Variants in CDH4 observed in about 807,000 individuals in gnomAD.
CDH4 encodes cadherin 4, also known as cadherin-4.
A neutral mutation model predicts 86.0 loss-of-function variants in CDH4; 33 were observed. That is an observed-to-expected ratio of 0.38 (90% CI 0.29 to 0.51). CDH4 has a LOEUF of 0.51. Among genes scored for constraint, CDH4 ranks in the 20% least tolerant of loss-of-function variants. The pLI, the probability that CDH4 is intolerant of heterozygous loss-of-function variation, is 0.86. For synonymous variants in CDH4, 555 were observed against 549.4 expected, an observed-to-expected ratio of 1.01 and a Z score of -0.14; for missense variants, 1,114 against 1,307.4, an observed-to-expected ratio of 0.85 and a Z score of 2.28.
At chr20:61,476,823 GAC>G (rs1393287404) in intron 2 of CDH4, among the ~76,000 whole-genome samples, 1 of 152,238 alleles carries the variant, frequency 6.6e-6, no homozygotes, top group Non-Finnish European at 1.5e-5. Flanking sequence ...CAGGAATACT[GAC>G]ACAGGCTGCT....
intron 4 of CDH4, among the ~76,000 whole-genome samples, chr20:61,843,553 G>A (rs1478078107): frequency 6.6e-6 from 1 of 151,522 alleles, no homozygotes; most frequent in Admixed American, 6.6e-5. Flanking sequence ...AATTAGCCAG[G>A]CGTGGTTGCC....
chr20:61,324,844 G>T (rs921504591), intron 2 of CDH4, among the ~76,000 whole-genome samples: 5 of 152,196 alleles, frequency 3.3e-5, no homozygotes, highest in African/African-American at 9.6e-5. Flanking sequence ...TTTATAGAGG[G>T]TGTGGCAGGC....
At chr20:61,693,892 T>C (rs1424429524) in intron 2 of CDH4, among the ~76,000 whole-genome samples, 2 of 140,006 alleles carry the variant, frequency 1.4e-5, no homozygotes, top group Non-Finnish European at 3.1e-5. Context: ...TTCTTTTTTT[T>C]TTTTTTTTTT....
chr20:61,507,701 G>C (rs2085751040), intron 2 of CDH4, among the ~76,000 whole-genome samples: 1 of 152,204 alleles, frequency 6.6e-6, no homozygotes, highest in Non-Finnish European at 1.5e-5. Flanking sequence ...AAGGACACAT[G>C]ATGACTCCAT....
chr20:61,857,045 G>T (rs1435020657), intron 6 of CDH4, among the ~76,000 whole-genome samples: 4 of 152,254 alleles, frequency 2.6e-5, no homozygotes, highest in African/African-American at 9.6e-5. Flanking sequence ...GACAGCCCTG[G>T]GGGTGAGGGG....
intron 2 of CDH4, among the ~76,000 whole-genome samples, chr20:61,404,088 G>A (rs1485496180): frequency 6.6e-6 from 1 of 152,166 alleles, no homozygotes; most frequent in Admixed American, 6.5e-5. Flanking sequence ...CCCAGGAGCT[G>A]GGCACTGGGC....
chr20:61,671,334 T>A (rs6089259), intron 2 of CDH4, among the ~76,000 whole-genome samples: 142,908 of 152,246 alleles, frequency 0.94, 67,099 homozygotes, highest in Middle Eastern at 0.99. Flanking sequence ...TCTACAAAAA[T>A]TAATTTTAAA....
intron 2 of CDH4, among the ~76,000 whole-genome samples, chr20:61,412,927 C>T (rs913164170): frequency 3.3e-5 from 5 of 152,170 alleles, no homozygotes; most frequent in African/African-American, 1.2e-4. Context: ...CCCTGAGGGG[C>T]TGTTTCCAGA....
chr20:61,865,102 C>T (rs1983488429), intron 6 of CDH4, among the ~76,000 whole-genome samples: 2 of 152,260 alleles, frequency 1.3e-5, no homozygotes, highest in South Asian at 4.1e-4. Context: ...CCTGTGCTCC[C>T]ACCCCTGCCC....
intron 2 of CDH4, among the ~76,000 whole-genome samples, chr20:61,506,862 A>C (rs76361627): frequency 0.031 from 4,672 of 152,268 alleles, 118 homozygotes; most frequent in Non-Finnish European, 0.047. Flanking sequence ...TTGCGAAAGG[A>C]ACCATGGACA....
intron 10 of CDH4, 41 bp downstream of exon 10, chr20:61,923,745 C>T (rs1324350429): frequency 6.2e-7 from 1 of 1,601,852 alleles, no homozygotes; most frequent in South Asian, 1.1e-5. Context: ...CTGCAGCTTC[C>T]CAGGTTCCAT....
chr20:61,554,768 T>C (rs1298192577), intron 2 of CDH4, among the ~76,000 whole-genome samples: 1 of 152,378 alleles, frequency 6.6e-6, no homozygotes, highest in East Asian at 1.9e-4. Flanking sequence ...TATGTGCATA[T>C]GTGCATGGTG....
At position 61,754,422 on chromosome 20, in the gene CDH4, C is replaced by T. The variant is rs1422322548; in HGVS notation, c.396+10633C>T. On this transcript the variant is annotated intron_variant, in intron 3 of 15. Transcript: ENST00000614565. The surrounding 1 kb of genome is among the most constrained non-coding windows in gnomAD (Gnocchi z 4.7). ...CAGGGCTGTTGAGGACAAGTCCCCG[C>T]CCACGGCAGCCCCCAGGTCCCTCTG... 1.3e-5 allele frequency among the ~76,000 whole-genome samples: 2 copies of T among 152,080 alleles called. No individual in the cohort carries two copies. Among genetic ancestry groups the T allele is most frequent in the African/African-American group, 2.4e-5 (1 of 41,396 alleles).
At chr20:61,276,500 C>T (rs549081783) in intron 2 of CDH4, among the ~76,000 whole-genome samples, 18 of 152,262 alleles carry the variant, frequency 1.2e-4, no homozygotes, top group African/African-American at 4.1e-4. Context: ...ATTAGGAGGC[C>T]GCACTTGAGC....
At chr20:61,307,604 C>T (rs371008862) in intron 2 of CDH4, among the ~76,000 whole-genome samples, 8 of 152,262 alleles carry the variant, frequency 5.3e-5, no homozygotes, top group Non-Finnish European at 1.2e-4. Context: ...GCCCCATCCA[C>T]CTGCCCCAGG....
intron 2 of CDH4, among the ~76,000 whole-genome samples, chr20:61,396,789 G>A (rs969604753): frequency 1.3e-4 from 20 of 152,238 alleles, no homozygotes; most frequent in African/African-American, 4.6e-4. Flanking sequence ...ACTAGCCTAG[G>A]AGGGAGATGC....
chr20:61,554,777 T>C (rs908058639), intron 2 of CDH4, among the ~76,000 whole-genome samples: 2 of 152,260 alleles, frequency 1.3e-5, no homozygotes, highest in African/African-American at 4.8e-5. Flanking sequence ...ATGTGCATGG[T>C]GTGAACATGT....
At chr20:61,530,431 T>C (rs1340556177) in intron 2 of CDH4, among the ~76,000 whole-genome samples, 1 of 152,096 alleles carries the variant, frequency 6.6e-6, no homozygotes, top group Non-Finnish European at 1.5e-5. Context: ...TGACTGAAGC[T>C]GTACATGGCA....
At chr20:61,412,932 T>G (rs749946732) in intron 2 of CDH4, among the ~76,000 whole-genome samples, 1 of 152,110 alleles carries the variant, frequency 6.6e-6, no homozygotes, top group Non-Finnish European at 1.5e-5. Flanking sequence ...AGGGGCTGTT[T>G]CCAGAGGAAG....
Sources: gnomAD v4.1 joint callset for allele counts (sites outside exome capture counted in the v4.1 genomes callset) on GRCh38, gnomAD v4.1.1 for gene constraint, Gnocchi (gnomAD v3.1) non-coding constraint, MANE v1.5 for transcripts, NCBI Gene and HGNC (gene_info 2026-07-23, HGNC 2026-07-21) for gene names.